SPTLC2: variants seen among roughly 807,000 people sequenced by gnomAD.
The protein encoded by SPTLC2 is serine palmitoyltransferase 2.
A neutral mutation model predicts 62.0 loss-of-function variants in SPTLC2; 21 were observed. The observed-to-expected ratio is 0.34, with a 90% confidence interval of 0.24 to 0.49. The LOEUF is 0.49. Among genes scored for constraint, SPTLC2 ranks in the 20% least tolerant of loss-of-function variants. SPTLC2 has a pLI of 0.99. For synonymous variants in SPTLC2, 261 were observed against 261.8 expected, an observed-to-expected ratio of 1.00 and a Z score of 0.03; for missense variants, 511 against 713.0, an observed-to-expected ratio of 0.72 and a Z score of 3.23.
chr14:77,601,864 A>G (rs1287183685), intron 1 of SPTLC2, among the ~76,000 whole-genome samples: 1 of 152,082 alleles, frequency 6.6e-6, no homozygotes, highest in Non-Finnish European at 1.5e-5. Flanking sequence ...AAGGAGACAC[A>G]TTTTATCCGT....
At chr14:77,534,111 G>A (rs1347293554) in intron 9 of SPTLC2, among the ~76,000 whole-genome samples, 2 of 151,782 alleles carry the variant, frequency 1.3e-5, no homozygotes, top group Non-Finnish European at 2.9e-5. Flanking sequence ...TGAGCTGAGA[G>A]CATGCCGCCG....
chr14:77,534,588 T>TATACACACACAC lies in SPTLC2; in HGVS notation c.1304-13008_1304-13007insGTGTGTGTGTAT, dbSNP rs1555373988. On this transcript the variant is annotated intron_variant, in intron 9 of 11. Coordinates refer to ENST00000216484, the MANE Select transcript of SPTLC2 (RefSeq NM_004863.4). ...ATAATAAACATTTCACATATTTCAG[T>TATACACACACAC]ACACACACACACACACATATGCTAA... 4.3e-3 allele frequency among the ~76,000 whole-genome samples: 606 copies of TATACACACACAC among 141,232 alleles called. 5 individuals carry two copies. Among genetic ancestry groups the TATACACACACAC allele is most frequent in the African/African-American group, 0.016 (583 of 37,604 alleles). The allele number at this position is 141,232 out of a possible 152,430, so 92.7% of individuals were successfully genotyped here.
intron 9 of SPTLC2, among the ~76,000 whole-genome samples, chr14:77,542,262 G>A (rs12897996): frequency 6.6e-6 from 1 of 151,710 alleles, no homozygotes; most frequent in Non-Finnish European, 1.5e-5. Flanking sequence ...CTCACAGAAA[G>A]ATAAAGAATC....
rs1265980497 is a variant in SPTLC2, at chr14:77,508,187, G to GA, written c.*4096dup. On this transcript the variant is annotated 3_prime_UTR_variant, in exon 12 of 12. Transcript: ENST00000216484. Reference sequence around the variant, plus strand: ...GGCACCACCATGCCCGGTTAATTTAGAAAAAAATTTTTGTAGAGACAGGGT... The same window carrying GA: ...GGCACCACCATGCCCGGTTAATTTAGAAAAAAAATTTTTGTAGAGACAGGGT... 1.3e-5 allele frequency: 2 copies of GA among 150,704 alleles called. No individual in the cohort carries two copies. Among genetic ancestry groups the GA allele is most frequent in the African/African-American group, 4.8e-5 (2 of 41,366 alleles). 9.3% of individuals were successfully genotyped at this position (150,704 alleles called of 1,614,324 possible).
intron 9 of SPTLC2, among the ~76,000 whole-genome samples, chr14:77,534,706 G>C (rs2079460191): frequency 6.6e-6 from 1 of 151,424 alleles, no homozygotes. Flanking sequence ...AAAAAGGGGA[G>C]AACATATTGT....
At chr14:77,613,872 G>T (rs1229361923) in intron 1 of SPTLC2, among the ~76,000 whole-genome samples, 7 of 152,170 alleles carry the variant, frequency 4.6e-5, no homozygotes, top group African/African-American at 1.7e-4. Flanking sequence ...TTTAAAAAAT[G>T]TTAAGATATT....
At chr14:77,566,219 A>G (rs936092569) in intron 5 of SPTLC2, among the ~76,000 whole-genome samples, 1 of 152,176 alleles carries the variant, frequency 6.6e-6, no homozygotes, top group African/African-American at 2.4e-5. Flanking sequence ...ATTTCAATGT[A>G]TCAATCTGTC....
chr14:77,525,780 G>C, intron 9 of SPTLC2, among the ~76,000 whole-genome samples: 1 of 152,158 alleles, frequency 6.6e-6, no homozygotes, highest in South Asian at 2.1e-4. Flanking sequence ...CGGGCGTGGT[G>C]GTGGGCGCCT....
chr14:77,557,450 G>A, intron 6 of SPTLC2: 1 of 378,018 alleles, frequency 2.6e-6, no homozygotes, highest in Non-Finnish European at 5.0e-6. Flanking sequence ...CATTAAGTTA[G>A]CTTCTGTGTG....
At chr14:77,538,566 G>C (rs1438361155) in intron 9 of SPTLC2, among the ~76,000 whole-genome samples, 1 of 152,024 alleles carries the variant, frequency 6.6e-6, no homozygotes, top group African/African-American at 2.4e-5. Context: ...GTTTTAATTT[G>C]GTTCTATATA....
At position 77,507,513 on chromosome 14, in the gene SPTLC2, G is replaced by C. The variant is rs937290004; in HGVS notation, c.*4771C>G. Reference sequence around the variant, plus strand: ...TGCCCGGCTAATTTTTGTAATTTTAGTAGAGATGAGGTTTCGCCATGTTGG... The same window carrying C: ...TGCCCGGCTAATTTTTGTAATTTTACTAGAGATGAGGTTTCGCCATGTTGG... On this transcript the variant is annotated 3_prime_UTR_variant, in exon 12 of 12. Coordinates refer to ENST00000216484, the MANE Select transcript of SPTLC2 (RefSeq NM_004863.4). The C allele has an allele frequency of 1.1e-4, 16 of 152,072 alleles. No individual in the cohort carries two copies. Among genetic ancestry groups the C allele is most frequent in the African/African-American group, 3.9e-4 (16 of 41,396 alleles). The allele number at this position is 152,072 out of a possible 1,614,324, so 9.4% of individuals were successfully genotyped here.
At chr14:77,522,500 T>C (rs180779157) in intron 9 of SPTLC2, among the ~76,000 whole-genome samples, 107 of 152,282 alleles carry the variant, frequency 7.0e-4, no homozygotes, top group African/African-American at 2.5e-3. Context: ...CAGTAACATA[T>C]CTGTAATAGT....
At chr14:77,513,203 A>G (rs1236882532) in intron 11 of SPTLC2, among the ~76,000 whole-genome samples, 1 of 151,048 alleles carries the variant, frequency 6.6e-6, no homozygotes, top group African/African-American at 2.4e-5. Flanking sequence ...TTTTGTCCAG[A>G]CAGGGTTTTG....
intron 1 of SPTLC2, among the ~76,000 whole-genome samples, chr14:77,602,320 AC>A (rs2079882451): frequency 6.6e-6 from 1 of 152,002 alleles, no homozygotes; most frequent in South Asian, 2.1e-4. Flanking sequence ...ACTTCTTCTC[AC>A]CATCCTAACC....
At chr14:77,533,277 G>A (rs1336317289) in intron 9 of SPTLC2, among the ~76,000 whole-genome samples, 1 of 148,910 alleles carries the variant, frequency 6.7e-6, no homozygotes, top group African/African-American at 2.5e-5. Context: ...TCTAGCATGG[G>A]TGACAAGAGC....
intron 9 of SPTLC2, among the ~76,000 whole-genome samples, chr14:77,543,832 T>C (rs1038099836): frequency 1.3e-5 from 2 of 152,120 alleles, no homozygotes; most frequent in African/African-American, 4.8e-5. Context: ...CCCAGGCATT[T>C]AGAGTTCCAG....
At chr14:77,541,282 C>T (rs997267644) in intron 9 of SPTLC2, among the ~76,000 whole-genome samples, 1 of 152,126 alleles carries the variant, frequency 6.6e-6, no homozygotes, top group Non-Finnish European at 1.5e-5. Flanking sequence ...TCAAGTGATC[C>T]ACCCGTCTTG....
chr14:77,613,574 T>C (rs943209227), intron 1 of SPTLC2, among the ~76,000 whole-genome samples: 1 of 152,214 alleles, frequency 6.6e-6, no homozygotes, highest in African/African-American at 2.4e-5. Flanking sequence ...ACTATACACA[T>C]TCATTCATCT....
intron 8 of SPTLC2, among the ~76,000 whole-genome samples, chr14:77,553,142 T>C (rs1480855817): frequency 6.6e-6 from 1 of 152,206 alleles, no homozygotes; most frequent in Admixed American, 6.5e-5. Flanking sequence ...AAAACTTAAT[T>C]GTATATCCCT....
Sources: gnomAD v4.1 joint callset for allele counts (sites outside exome capture counted in the v4.1 genomes callset) on GRCh38, gnomAD v4.1.1 for gene constraint, MANE v1.5 for transcripts, NCBI Gene and HGNC (gene_info 2026-07-23, HGNC 2026-07-21) for gene names.